The following RERE variants were observed in gnomAD, a reference collection of about 807,000 sequenced individuals.
RERE encodes the protein arginine-glutamic acid dipeptide repeats.
In RERE, 40 loss-of-function variants were observed where a neutral mutation model predicts 146.1. The observed-to-expected ratio is 0.27, with a 90% CI of 0.21 to 0.36. The LOEUF is 0.36. Among genes scored for constraint, RERE ranks in the 10% least tolerant of loss-of-function variants. RERE has a pLI of 1.00. For synonymous variants in RERE, 1,003 were observed against 866.0 expected, an observed-to-expected ratio of 1.16 and a Z score of -2.78; for missense variants, 1,933 against 2,138.7, an observed-to-expected ratio of 0.90 and a Z score of 1.90.
chr1:8,428,475 T>A (rs1432501109), intron 11 of RERE: 1 of 152,262 alleles, frequency 6.6e-6, no homozygotes, highest in Non-Finnish European at 1.5e-5. Context: ...TGTGCTCTAA[T>A]TTTTAGATAA....
intron 1 of RERE, among the ~76,000 whole-genome samples, chr1:8,720,289 C>A (rs1639837655): frequency 6.6e-6 from 1 of 150,760 alleles, no homozygotes; most frequent in Non-Finnish European, 1.5e-5. Flanking sequence ...AAAAACAGCA[C>A]AAGCACTTAG....
intron 1 of RERE, among the ~76,000 whole-genome samples, chr1:8,808,847 T>A (rs571131581): frequency 6.6e-6 from 1 of 151,976 alleles, no homozygotes; most frequent in African/African-American, 2.4e-5. Context: ...AAACAAAGTA[T>A]TGAGGGAGGG....
chr1:8,718,862 A>C (rs796839178), intron 1 of RERE, among the ~76,000 whole-genome samples: 2 of 152,318 alleles, frequency 1.3e-5, no homozygotes, highest in South Asian at 4.1e-4. Context: ...GAAATAATTC[A>C]AGCAAGGCCT....
intron 1 of RERE, among the ~76,000 whole-genome samples, chr1:8,813,664 G>A (rs1641857503): frequency 6.8e-6 from 1 of 147,692 alleles, no homozygotes; most frequent in South Asian, 2.1e-4. Context: ...ACCCAGGATG[G>A]AGTACAGTGG....
At chr1:8,477,605 C>CA (rs1644772987) in intron 10 of RERE, among the ~76,000 whole-genome samples, 1 of 152,190 alleles carries the variant, frequency 6.6e-6, no homozygotes, top group Non-Finnish European at 1.5e-5. Context: ...CCTACTCATA[C>CA]ATGCTAAATT....
chr1:8,729,254 C>T (rs1302706657), intron 1 of RERE, among the ~76,000 whole-genome samples: 3 of 135,406 alleles, frequency 2.2e-5, no homozygotes, highest in African/African-American at 5.3e-5. Context: ...GATGGAGTCT[C>T]GCTCTGTTGC....
intron 10 of RERE, among the ~76,000 whole-genome samples, chr1:8,470,460 G>C (rs919360019): frequency 6.6e-6 from 1 of 151,732 alleles, no homozygotes; most frequent in Non-Finnish European, 1.5e-5. Context: ...ATGGGGTTTC[G>C]CCAAGTTGGC....
chr1:8,778,330 GATCT>G, intron 1 of RERE, among the ~76,000 whole-genome samples: 1 of 152,194 alleles, frequency 6.6e-6, no homozygotes, highest in Non-Finnish European at 1.5e-5. Flanking sequence ...AAAATCACAA[GATCT>G]ATTTATATAT....
intron 8 of RERE, among the ~76,000 whole-genome samples, chr1:8,503,901 G>A (rs948811932): frequency 6.6e-6 from 1 of 152,114 alleles, no homozygotes; most frequent in Non-Finnish European, 1.5e-5. Context: ...GCTGTTATAT[G>A]TGTATTATGG....
chr1:8,591,800 C>G (rs1349295886), intron 4 of RERE, among the ~76,000 whole-genome samples: 1 of 152,196 alleles, frequency 6.6e-6, no homozygotes, highest in East Asian at 1.9e-4. Flanking sequence ...ACTTACTATG[C>G]CAAATGCACT....
intron 13 of RERE, 91 bp downstream of exon 13, chr1:8,365,721 G>A (rs928183894): frequency 1.4e-5 from 20 of 1,452,826 alleles, no homozygotes; most frequent in Non-Finnish European, 1.8e-5. Context: ...CATGCTTCCC[G>A]GAGCCATCAG....
chr1:8,402,811 T>C (rs1422029465), intron 12 of RERE, among the ~76,000 whole-genome samples: 1 of 152,178 alleles, frequency 6.6e-6, no homozygotes, highest in African/African-American at 2.4e-5. Context: ...GCTTAAAGAT[T>C]TGTTAATTAA....
intron 11 of RERE, among the ~76,000 whole-genome samples, chr1:8,450,855 G>A (rs1486236691): frequency 3.3e-5 from 5 of 151,986 alleles, no homozygotes; most frequent in Non-Finnish European, 7.4e-5. Flanking sequence ...CCTACCTTTC[G>A]ACAGCACTCT....
chr1:8,502,135 G>C (rs1645175359), intron 8 of RERE, among the ~76,000 whole-genome samples: 1 of 15,990 alleles, frequency 6.3e-5, no homozygotes, highest in Admixed American at 5.3e-4. Context: ...CCTCTGCCCG[G>C]CCAGCCGCCC....
intron 4 of RERE, among the ~76,000 whole-genome samples, chr1:8,611,596 C>T (rs1298947503): frequency 6.6e-6 from 1 of 152,136 alleles, no homozygotes; most frequent in African/African-American, 2.4e-5. Flanking sequence ...GTTAACCACT[C>T]AAAAGAGGTC....
intron 1 of RERE, among the ~76,000 whole-genome samples, chr1:8,780,949 C>T (rs1351603150): frequency 2.6e-5 from 4 of 151,898 alleles, no homozygotes; most frequent in African/African-American, 4.8e-5. Flanking sequence ...AGGCCAGGCG[C>T]GGTAGCTCAT....
intron 4 of RERE, among the ~76,000 whole-genome samples, chr1:8,568,089 A>C (rs1030735838): frequency 6.6e-6 from 1 of 152,162 alleles, no homozygotes; most frequent in Admixed American, 6.5e-5. Flanking sequence ...ATCTGCCCTC[A>C]ATGTAGGTGG....
chr1:8,682,006 A>G (rs529099298), intron 1 of RERE, among the ~76,000 whole-genome samples: 1 of 152,324 alleles, frequency 6.6e-6, no homozygotes, highest in East Asian at 1.9e-4. Flanking sequence ...TCATTTCAAC[A>G]TAACCATGCA....
intron 1 of RERE, among the ~76,000 whole-genome samples, chr1:8,762,421 C>T (rs1322110545): frequency 6.6e-6 from 1 of 152,152 alleles, no homozygotes; most frequent in Non-Finnish European, 1.5e-5. Flanking sequence ...ATAACACAAG[C>T]TTTTCAGCAC....
Sources: gnomAD v4.1 joint callset for allele counts (sites outside exome capture counted in the v4.1 genomes callset) on GRCh38, gnomAD v4.1.1 for gene constraint, MANE v1.5 for transcripts, NCBI Gene and HGNC (gene_info 2026-07-23, HGNC 2026-07-21) for gene names.